Variants in ARHGAP29 observed in about 807,000 individuals in gnomAD.
ARHGAP29 encodes the protein Rho GTPase activating protein 29.
Under a neutral mutation model 122.6 loss-of-function variants are expected in ARHGAP29, and 43 were observed. The observed-to-expected ratio is 0.35, with a 90% CI of 0.27 to 0.45. ARHGAP29 has a LOEUF of 0.45. Ranked by LOEUF, ARHGAP29 falls within the 20% of genes least tolerant of loss-of-function variation. The probability of loss-of-function intolerance (pLI) is 1.00; values close to 1 mark genes in which losing one functional copy is unlikely to be tolerated. For missense variants in ARHGAP29, 1,303 were observed against 1,477.2 expected (o/e 0.88, Z 1.93); for synonymous variants, 506 against 497.1 (o/e 1.02, Z -0.24).
chr1:94,203,580 G>C (rs1013305636), intron 8 of ARHGAP29, among the ~76,000 whole-genome samples: 1 of 151,922 alleles, frequency 6.6e-6, no homozygotes, highest in Non-Finnish European at 1.5e-5. Context: ...ACAAAAACAT[G>C]CAAAAATTAG....
intron 3 of ARHGAP29, among the ~76,000 whole-genome samples, chr1:94,212,606 A>G (rs1651709072): frequency 6.6e-6 from 1 of 152,184 alleles, no homozygotes; most frequent in Non-Finnish European, 1.5e-5. Context: ...CAAACTAAAC[A>G]TGACTGGGAG....
intron 3 of ARHGAP29, among the ~76,000 whole-genome samples, chr1:94,212,531 TA>T (rs1651701135): frequency 6.6e-6 from 1 of 152,228 alleles, no homozygotes; most frequent in Non-Finnish European, 1.5e-5. Flanking sequence ...TTTAAGCTGT[TA>T]AAAAATAGTT....
chr1:94,180,192 C>G (rs1189844421), intron 19 of ARHGAP29, among the ~76,000 whole-genome samples: 1 of 152,122 alleles, frequency 6.6e-6, no homozygotes, highest in Non-Finnish European at 1.5e-5. Flanking sequence ...ATCAGTAAAA[C>G]TAAACCTAAA....
chr1:94,205,016 CTTAA>C, intron 7 of ARHGAP29, 41 bp downstream of exon 7: 2 of 1,471,662 alleles, frequency 1.4e-6, no homozygotes, highest in Non-Finnish European at 1.8e-6. Context: ...TTAGAAACAA[CTTAA>C]TTATTATACT....
intron 7 of ARHGAP29, 150 bp from the exon 8 acceptor site, chr1:94,204,144 C>CAT: frequency 2.6e-6 from 1 of 381,112 alleles, no homozygotes; most frequent in Non-Finnish European, 4.5e-6. Flanking sequence ...TTCTTTCTTC[C>CAT]TTTTTTTTTT....
In ARHGAP29 at chr1:94,169,144, C is replaced by T. The variant is rs78451529; in HGVS notation, c.*4725G>A. On this transcript the variant is annotated 3_prime_UTR_variant, in exon 23 of 23. Coordinates refer to ENST00000260526, the MANE Select transcript of ARHGAP29 (RefSeq NM_004815.4). ...CCTGGTAAATATGTATAATCGTACA[C>T]TTTTAAACTTTCTCTGATAAATTCA... Among the ~76,000 whole-genome samples the T allele has an allele frequency of 9.6e-3, 1,469 of 152,276 alleles. 20 individuals carry two copies. Among genetic ancestry groups the T allele is most frequent in the African/African-American group, 0.034 (1,397 of 41,546 alleles).
intron 3 of ARHGAP29, among the ~76,000 whole-genome samples, chr1:94,217,529 CAAA>C (rs11297785): frequency 3.9e-5 from 5 of 127,686 alleles, no homozygotes; most frequent in Non-Finnish European, 3.4e-5. Context: ...GACACCGTCT[CAAA>C]AAAAAAAAAA....
chr1:94,295,958 C>T, the ARHGAP29 span, among the ~76,000 whole-genome samples: 1,495 of 152,212 alleles, frequency 9.8e-3, 21 homozygotes, highest in African/African-American at 0.033. Context: ...AGAAGGCTGT[C>T]TTGAGAGGAC....
At chr1:94,244,841 G>A (rs1164122274) in intron 1 of ARHGAP29, among the ~76,000 whole-genome samples, 1 of 152,054 alleles carries the variant, frequency 6.6e-6, no homozygotes, top group Non-Finnish European at 1.5e-5. Flanking sequence ...CAAATTGGGA[G>A]AAAATATCTG....
At chr1:94,299,258 T>C in the ARHGAP29 span, among the ~76,000 whole-genome samples, 4 of 152,232 alleles carry the variant, frequency 2.6e-5, no homozygotes, top group Non-Finnish European at 4.4e-5. Context: ...TTCCTGATTA[T>C]TTACAAAATT....
intron 1 of ARHGAP29, among the ~76,000 whole-genome samples, chr1:94,268,401 TC>T (rs1483818000): frequency 3.9e-5 from 6 of 151,936 alleles, no homozygotes; most frequent in Non-Finnish European, 1.5e-5. Flanking sequence ...TCCTGCCACA[TC>T]CCCCCAGCAC....
intron 12 of ARHGAP29, among the ~76,000 whole-genome samples, chr1:94,201,401 T>C (rs542108353): frequency 2.0e-5 from 3 of 152,284 alleles, no homozygotes; most frequent in South Asian, 4.2e-4. Context: ...TTGTAACTTA[T>C]CAGGCATACC....
chr1:94,189,236 G>C lies in ARHGAP29; in HGVS notation c.1556C>G (p.Ser519Cys), dbSNP rs772743580. 19 of 1,611,564 alleles carry C rather than the reference G, an allele frequency of 1.2e-5. 1 individual carries two copies. In the South Asian group the frequency reaches 1.8e-4, roughly 15 times the overall value. ...ACTACCTGTTATATCTGCACTGTTAGAGCATCTGTCCTCTTCAATTTTATT... is the reference window on the plus strand; with the variant it reads ...ACTACCTGTTATATCTGCACTGTTACAGCATCTGTCCTCTTCAATTTTATT... ...SSNKIEEDRCSNSADITGPSF... is the reference protein window; with the variant it reads ...SSNKIEEDRCCNSADITGPSF... Residue 519 changes from serine (S) to cysteine (C), a missense_variant, in exon 14 of 23, where the codon TCT (serine) becomes TGT (cysteine). Physicochemically the swap from Ser to Cys is moderately radical, Grantham distance 112. Transcript: ENST00000260526.
At chr1:94,231,706 A>C in intron 1 of ARHGAP29, 63 bp from the exon 2 acceptor site, 1 of 1,226,520 alleles carries the variant, frequency 8.2e-7, no homozygotes, top group Non-Finnish European at 1.1e-6. Flanking sequence ...CAAAAACTAA[A>C]TCAGCCAGGG....
At chr1:94,184,504 G>A (rs1395109913) in intron 18 of ARHGAP29, among the ~76,000 whole-genome samples, 1 of 152,176 alleles carries the variant, frequency 6.6e-6, no homozygotes, top group African/African-American at 2.4e-5. Flanking sequence ...CAGGTGCCTG[G>A]GAGGTGGAGG....
At chr1:94,300,561 T>TC in the ARHGAP29 span, among the ~76,000 whole-genome samples, 10 of 152,248 alleles carry the variant, frequency 6.6e-5, no homozygotes, top group African/African-American at 2.4e-4. Flanking sequence ...CTGAATTAGA[T>TC]CCCCCCATAT....
At chr1:94,248,901 T>C (rs1315429812) in intron 1 of ARHGAP29, among the ~76,000 whole-genome samples, 2 of 152,160 alleles carry the variant, frequency 1.3e-5, no homozygotes, top group Non-Finnish European at 2.9e-5. Flanking sequence ...TTTGTGGAGA[T>C]GGAGTCTTCG....
At chr1:94,284,987 C>A in the ARHGAP29 span, among the ~76,000 whole-genome samples, 5 of 152,322 alleles carry the variant, frequency 3.3e-5, no homozygotes, top group Admixed American at 3.3e-4. Context: ...CACTGAACAT[C>A]TGTTAATGAA....
chr1:94,237,709 G>T (rs1165700654), upstream of ARHGAP29: 2 of 985,312 alleles, frequency 2.0e-6, no homozygotes, highest in East Asian at 1.1e-4. Flanking sequence ...GGCAGGTACG[G>T]GAGGCAACTA....
Sources: gnomAD v4.1 joint callset for allele counts (sites outside exome capture counted in the v4.1 genomes callset) on GRCh38, gnomAD v4.1.1 for gene constraint, MANE v1.5 for transcripts, NCBI Gene and HGNC (gene_info 2026-07-23, HGNC 2026-07-21) for gene names.